GLG1: variants seen among roughly 807,000 people sequenced by gnomAD.
GLG1 encodes golgi glycoprotein 1.
In GLG1, 38 loss-of-function variants were observed where a neutral mutation model predicts 160.5. The observed-to-expected ratio is 0.24, with a 90% CI of 0.18 to 0.31. The LOEUF (loss-of-function observed/expected upper bound fraction) is 0.31. Ranked by LOEUF, GLG1 falls within the 10% of genes least tolerant of loss-of-function variation. The pLI is 1.00. For missense variants in GLG1, 1,373 were observed against 1,505.2 expected (o/e 0.91, Z 1.45); for synonymous variants, 644 against 543.4 (o/e 1.19, Z -2.57).
chr16:74,470,947 G>A (rs2015187761), intron 15 of GLG1, among the ~76,000 whole-genome samples: 1 of 151,720 alleles, frequency 6.6e-6, no homozygotes, highest in Non-Finnish European at 1.5e-5. Context: ...AGTAGAGACG[G>A]AGTTTCACCA....
intron 9 of GLG1, among the ~76,000 whole-genome samples, 164 bp from the exon 10 acceptor site, chr16:74,483,288 T>C (rs1317671428): frequency 6.6e-6 from 1 of 152,230 alleles, no homozygotes; most frequent in Non-Finnish European, 1.5e-5. Context: ...TGACAGTGGT[T>C]ATACCTTCGA....
intron 22 of GLG1, among the ~76,000 whole-genome samples, chr16:74,460,135 C>T (rs909460377): frequency 1.3e-4 from 20 of 152,226 alleles, no homozygotes; most frequent in African/African-American, 4.8e-4. Flanking sequence ...GATTCTCCTG[C>T]CTCAGCCTCC....
chr16:74,549,497 A>G (rs1352070531), intron 1 of GLG1, among the ~76,000 whole-genome samples: 1 of 152,214 alleles, frequency 6.6e-6, no homozygotes, highest in South Asian at 2.1e-4. Context: ...TGTGTTAGCC[A>G]GGATGGTCTT....
At chr16:74,592,783 T>C (rs1173189469) in intron 1 of GLG1, among the ~76,000 whole-genome samples, 1 of 152,174 alleles carries the variant, frequency 6.6e-6, no homozygotes, top group East Asian at 1.9e-4. Flanking sequence ...CCTTCTCTCT[T>C]CTTATTTTAT....
At chr16:74,570,452 A>G (rs765158514) in intron 1 of GLG1, among the ~76,000 whole-genome samples, 7 of 152,262 alleles carry the variant, frequency 4.6e-5, no homozygotes, top group Non-Finnish European at 8.8e-5. Flanking sequence ...GCCAAAAGAC[A>G]GTGGAATAAA....
At chr16:74,479,948 G>C (rs1191831721) in intron 11 of GLG1, among the ~76,000 whole-genome samples, 1 of 151,954 alleles carries the variant, frequency 6.6e-6, no homozygotes, top group Non-Finnish European at 1.5e-5. Flanking sequence ...ATAAAGTTAG[G>C]ACAGCAGAAT....
At chr16:74,477,993 T>C (rs1184354679) in intron 11 of GLG1, among the ~76,000 whole-genome samples, 1 of 150,348 alleles carries the variant, frequency 6.7e-6, no homozygotes, top group Non-Finnish European at 1.5e-5. Context: ...AATAAATAAA[T>C]AAATAAATAA....
At chr16:74,521,487 G>C (rs1339416119) in intron 2 of GLG1, among the ~76,000 whole-genome samples, 11 of 152,238 alleles carry the variant, frequency 7.2e-5, no homozygotes, top group Admixed American at 6.5e-4. Context: ...GCAGCCAGAA[G>C]ATTACTAATG....
At chr16:74,604,213 A>G (rs1489858858) in intron 1 of GLG1, among the ~76,000 whole-genome samples, 3 of 152,138 alleles carry the variant, frequency 2.0e-5, no homozygotes, top group Admixed American at 2.0e-4. Context: ...TTTTTTCAGA[A>G]AGAAAAGTTC....
intron 1 of GLG1, among the ~76,000 whole-genome samples, chr16:74,602,989 C>T (rs953455778): frequency 2.6e-5 from 4 of 151,860 alleles, no homozygotes; most frequent in African/African-American, 9.7e-5. Context: ...GATGAAGAGG[C>T]TGAGACAGGA....
At chr16:74,513,309 T>C (rs928235757) in intron 2 of GLG1, among the ~76,000 whole-genome samples, 3 of 152,080 alleles carry the variant, frequency 2.0e-5, no homozygotes, top group Admixed American at 6.6e-5. Context: ...GGGTGTGGGC[T>C]AGGGGATGAA....
At chr16:74,566,418 T>C (rs2018655856) in intron 1 of GLG1, among the ~76,000 whole-genome samples, 1 of 152,212 alleles carries the variant, frequency 6.6e-6, no homozygotes. Flanking sequence ...CCACAGGGAG[T>C]AACCCCCACA....
rs574802961 is a variant in GLG1, at chr16:74,479,261, A to G, written c.1827+980T>C. Among the ~76,000 whole-genome samples, 838 of 148,920 alleles carry G rather than the reference A, an allele frequency of 5.6e-3. 7 individuals carry two copies. The highest frequency in any genetic ancestry group is 9.0e-3 in the Non-Finnish European group (605 of 67,276). On this transcript the variant is annotated intron_variant, in intron 11 of 25. Transcript: ENST00000422840. Reference sequence around the variant, plus strand: ...CTCAAAAAAAAAAAAAAAAAAGGTTAATTTTATGTTATGTGAATTTCACCT... The same window carrying G: ...CTCAAAAAAAAAAAAAAAAAAGGTTGATTTTATGTTATGTGAATTTCACCT...
chr16:74,604,074 T>C (rs1246072661), intron 1 of GLG1, among the ~76,000 whole-genome samples: 1 of 151,930 alleles, frequency 6.6e-6, no homozygotes, highest in Non-Finnish European at 1.5e-5. Flanking sequence ...GAAGATCACT[T>C]GAACCCGGAA....
At chr16:74,460,574 A>G (rs2014751267) in intron 22 of GLG1, among the ~76,000 whole-genome samples, 1 of 152,222 alleles carries the variant, frequency 6.6e-6, no homozygotes, top group Admixed American at 6.5e-5. Context: ...GGGCAGTAGC[A>G]CTGCTATCAC....
chr16:74,588,688 G>A (rs6564147), intron 1 of GLG1, among the ~76,000 whole-genome samples: 107,877 of 151,876 alleles, frequency 0.71, 38,946 homozygotes, highest in African/African-American at 0.83. Flanking sequence ...CAAAGTGCTC[G>A]GATTACAGAC....
chr16:74,483,735 G>A (rs910780706), intron 9 of GLG1, among the ~76,000 whole-genome samples: 2 of 150,482 alleles, frequency 1.3e-5, no homozygotes, highest in African/African-American at 4.9e-5. Flanking sequence ...CTTGGCTCAC[G>A]CAAGCTCCGC....
intron 2 of GLG1, among the ~76,000 whole-genome samples, chr16:74,518,381 T>G (rs945431805): frequency 6.6e-6 from 1 of 152,132 alleles, no homozygotes; most frequent in African/African-American, 2.4e-5. Flanking sequence ...AATGGAGTCC[T>G]CAAAAATATC....
At chr16:74,500,828 T>C (rs2016377805) in intron 4 of GLG1, among the ~76,000 whole-genome samples, 2 of 152,214 alleles carry the variant, frequency 1.3e-5, no homozygotes, top group South Asian at 4.1e-4. Context: ...AATCTGCCCT[T>C]TCATTTTGAC....
Sources: allele counts gnomAD v4.1 joint callset (sites outside exome capture counted in the v4.1 genomes callset), GRCh38; gene constraint gnomAD v4.1.1; transcripts MANE v1.5; gene names NCBI Gene and HGNC (gene_info 2026-07-23, HGNC 2026-07-21).